Variants in PRKD2 observed in about 807,000 individuals in gnomAD.
PRKD2 encodes the protein serine/threonine-protein kinase D2.
PRKD2 carries 22 observed loss-of-function variants against 86.0 expected under a neutral mutation model. The ratio of observed to expected loss-of-function variants is 0.26; its 90% CI spans 0.18 to 0.37. PRKD2 has a LOEUF of 0.37. Among genes scored for constraint, PRKD2 ranks in the 10% least tolerant of loss-of-function variants. The pLI is 1.00. For synonymous variants in PRKD2, 509 were observed against 510.9 expected (o/e 1.00, Z 0.05); for missense variants, 818 against 1,199.2 (o/e 0.68, Z 4.70).
chr19:46,685,742 A>C (rs1309655023), intron 14 of PRKD2: 1 of 152,256 alleles, frequency 6.6e-6, no homozygotes, highest in Non-Finnish European at 1.5e-5. Context: ...TGAGGTCAGG[A>C]GTTTGAGACT....
chr19:46,712,731 C>T (rs1462949233), intron 2 of PRKD2, among the ~76,000 whole-genome samples: 1 of 152,188 alleles, frequency 6.6e-6, no homozygotes, highest in Non-Finnish European at 1.5e-5. Flanking sequence ...TCACTGGGCA[C>T]TGCAGTATGC....
In PRKD2 at chr19:46,693,858, G is replaced by C. The variant is rs757768466; in HGVS notation, c.1576+17C>G. The C allele has an allele frequency of 3.2e-6, 5 of 1,580,684 alleles. No individual in the cohort carries two copies. Among genetic ancestry groups the C allele is most frequent in the Non-Finnish European group, 2.6e-6 (3 of 1,164,392 alleles). ...TCTAGATCTATTCTCTCAAGGACCC[G>C]AGGTGGGAGGACTTACTGTGGGGCG... On this transcript the variant is annotated intron_variant, in intron 10 of 17. Coordinates refer to ENST00000291281, the MANE Select transcript of PRKD2 (RefSeq NM_016457.5). The surrounding 1 kb of genome is among the most constrained non-coding windows in gnomAD (Gnocchi z 4.5).
At chr19:46,713,748 G>A (rs1211490575) in intron 2 of PRKD2, 115 bp downstream of exon 2, 2 of 1,041,088 alleles carry the variant, frequency 1.9e-6, no homozygotes, top group Non-Finnish European at 2.7e-6. Flanking sequence ...TGGGATCACA[G>A]GCGTGAGCCA....
At chr19:46,680,701 TGA>T (rs1568714323) in intron 15 of PRKD2, among the ~76,000 whole-genome samples, 1 of 151,560 alleles carries the variant, frequency 6.6e-6, no homozygotes, top group Non-Finnish European at 1.5e-5. Context: ...AATGTTTCAT[TGA>T]GTTTTGTTTC....
At chr19:46,680,946 A>ATATATATATATTTTTTTTT in intron 15 of PRKD2, among the ~76,000 whole-genome samples, 4 of 48,250 alleles carry the variant, frequency 8.3e-5, no homozygotes, top group Non-Finnish European at 1.6e-4. Flanking sequence ...ATATATATAT[A>ATATATATATATTTTTTTTT]TTTTTTTTTT....
At chr19:46,691,202 G>A (rs888365952) in intron 12 of PRKD2, among the ~76,000 whole-genome samples, 1 of 151,962 alleles carries the variant, frequency 6.6e-6, no homozygotes, top group African/African-American at 2.4e-5. Flanking sequence ...GATTTAGCCT[G>A]TGGCCAATCA....
At chr19:46,703,994 A>ACACACACACAC (rs2053674145) in intron 5 of PRKD2, among the ~76,000 whole-genome samples, 175 bp downstream of exon 5, 2 of 51,370 alleles carry the variant, frequency 3.9e-5, no homozygotes, top group African/African-American at 1.6e-4. Context: ...CACACACACA[A>ACACACACACAC]CTGAGGTTCT....
At chr19:46,682,413 C>G (rs1046679687) in intron 14 of PRKD2, among the ~76,000 whole-genome samples, 1 of 152,054 alleles carries the variant, frequency 6.6e-6, no homozygotes, top group African/African-American at 2.4e-5. Context: ...CCTTGGCCTC[C>G]CAAAATGCTG....
At position 46,679,112 on chromosome 19, in the gene PRKD2, G is replaced by C. The variant is rs573827414; in HGVS notation, c.2071-449C>G. Among the ~76,000 whole-genome samples, 7 of 152,226 alleles carry C rather than the reference G, an allele frequency of 4.6e-5. No homozygotes were observed. The South Asian group carries it at 1.2e-3, about 27-fold the overall frequency. On this transcript the variant is annotated intron_variant, in intron 15 of 17. Coordinates refer to ENST00000291281, the MANE Select transcript of PRKD2 (RefSeq NM_016457.5). ...AATCTCAGCACTTTGGGAGGCCAAG[G>C]AAGATGGATCATTTGAGGTCAGGAG...
chr19:46,677,697 A>C (rs1226315894), intron 16 of PRKD2, among the ~76,000 whole-genome samples: 1 of 152,048 alleles, frequency 6.6e-6, no homozygotes. Flanking sequence ...CCCAGCCACA[A>C]CACCAAAGCC....
intron 14 of PRKD2, among the ~76,000 whole-genome samples, chr19:46,682,700 T>A (rs935296728): frequency 8.2e-6 from 1 of 122,666 alleles, no homozygotes; most frequent in African/African-American, 3.2e-5. Context: ...TATGTGATTC[T>A]ATTTTTTTTT....
chr19:46,700,867 A>C lies in PRKD2; in HGVS notation c.1053T>G (p.Pro351=). ...MDESEDSGVI[P]GSHSENALHA... is the part of the protein sequence containing the mutation. ...GGAGCGCATTCTCTGAGTGGGAGCC[A>C]GGGATGACACCGGAGTCCTCTGACT... Residue 351 remains proline, a synonymous_variant, in exon 7 of 18, where the codon CCT becomes CCG. Transcript: ENST00000291281. The C allele has an allele frequency of 6.2e-7, 1 of 1,614,232 alleles. No homozygotes were observed. Among genetic ancestry groups the C allele is most frequent in the Admixed American group, 1.7e-5 (1 of 60,026 alleles).
At chr19:46,674,888 T>C in intron 17 of PRKD2, 145 bp downstream of exon 17, 2 of 1,161,568 alleles carry the variant, frequency 1.7e-6, no homozygotes, top group South Asian at 1.5e-5. Context: ...CCACCCCCTC[T>C]TCCTGCACCC....
At chr19:46,699,963 C>T (rs1429976343) in intron 7 of PRKD2, among the ~76,000 whole-genome samples, 4 of 150,034 alleles carry the variant, frequency 2.7e-5, no homozygotes, top group Non-Finnish European at 5.9e-5. Context: ...AGGTCAGGCG[C>T]GGTGGCTCAT....
At chr19:46,680,947 T>TATATATATATA (rs1555826536) in intron 15 of PRKD2, among the ~76,000 whole-genome samples, 3 of 33,222 alleles carry the variant, frequency 9.0e-5, no homozygotes, top group Non-Finnish European at 1.3e-4. Context: ...TATATATATA[T>TATATATATATA]TTTTTTTTTT....
At position 46,687,525 on chromosome 19, in the gene PRKD2, T is replaced by C. The variant is rs544824760; in HGVS notation, c.1971+2012A>G. On this transcript the variant is annotated intron_variant, in intron 14 of 17. Coordinates refer to ENST00000291281, the MANE Select transcript of PRKD2 (RefSeq NM_016457.5). ...CAGCTATGTGACCCTGGACAAGATA[T>C]TTGATGTCTCTGACCCTCAGTTTCT... is the stretch of plus-strand genomic sequence containing the variant. 7.2e-5 allele frequency among the ~76,000 whole-genome samples: 11 copies of C among 152,268 alleles called. No individual in the cohort carries two copies. The South Asian group carries it at 2.3e-3, about 32-fold the overall frequency.
chr19:46,697,308 G>C, intron 8 of PRKD2, 74 bp from the exon 9 acceptor site: 2 of 1,175,568 alleles, frequency 1.7e-6, no homozygotes, highest in Non-Finnish European at 2.5e-6. Context: ...GAGCTGCTTG[G>C]GGCTCCAGGT....
chr19:46,703,996 T>C (rs1432072807), intron 5 of PRKD2, among the ~76,000 whole-genome samples, 173 bp downstream of exon 5: 1 of 55,396 alleles, frequency 1.8e-5, no homozygotes, highest in African/African-American at 7.2e-5. Flanking sequence ...CACACACAAC[T>C]GAGGTTCTAA....
Position 46,675,044 on chromosome 19 carries a change from G to A in PRKD2, c.2413C>T (p.Pro805Ser). 6.2e-7 allele frequency: 1 copy of A among 1,608,696 alleles called. No homozygotes were observed. The highest frequency in any genetic ancestry group is 8.5e-7 in the Non-Finnish European group (1 of 1,177,058). Residue 805 changes from proline (P) to serine (S), a missense_variant, in exon 17 of 18, where the codon CCC (proline) becomes TCC (serine). By Grantham distance (74) the Pro-to-Ser change is moderately conservative. This residue lies in a region of PRKD2 where 132 missense variants were observed against 146.2 expected (regional missense o/e 0.90). Transcript: ENST00000291281. Reference protein sequence around the residue: ...RYSVDKSLSHPWLQEYQTWLD... With the variant: ...RYSVDKSLSHSWLQEYQTWLD... ...GCCCCCTGCATCACCTGTAACCAGG[G>A]GTGGCTGAGAGATTTGTCCACGCTG...
Sources: allele counts gnomAD v4.1 joint callset (sites outside exome capture counted in the v4.1 genomes callset), GRCh38; gene constraint gnomAD v4.1.1; regional missense constraint gnomAD v4.1.1; non-coding constraint Gnocchi (gnomAD v3.1); transcripts MANE v1.5; gene names NCBI Gene and HGNC (gene_info 2026-07-23, HGNC 2026-07-21).